The following KIAA1217 variants were observed in gnomAD, a reference collection of about 807,000 sequenced individuals.
KIAA1217 encodes the protein sickle tail protein homolog.
Under a neutral mutation model 163.9 loss-of-function variants are expected in KIAA1217, and 88 were observed. The ratio of observed to expected loss-of-function variants is 0.54; its 90% confidence interval spans 0.45 to 0.64. The LOEUF is 0.64. KIAA1217 is among the 30% of genes least tolerant of loss of function. KIAA1217 has a pLI of 0.00. For synonymous variants in KIAA1217, 903 were observed against 923.1 expected (o/e 0.98, Z 0.39); for missense variants, 2,372 against 2,475.0 (o/e 0.96, Z 0.88).
intron 1 of KIAA1217, among the ~76,000 whole-genome samples, chr10:23,726,591 G>T (rs1838150041): frequency 6.6e-6 from 1 of 152,154 alleles, no homozygotes; most frequent in South Asian, 2.1e-4. Flanking sequence ...CACAGCAAAA[G>T]AAACTACCAT....
At chr10:24,303,835 G>A (rs220366) in intron 2 of KIAA1217, among the ~76,000 whole-genome samples, 118,074 of 152,036 alleles carry the variant, frequency 0.78, 47,859 homozygotes, top group Non-Finnish European at 0.89. Context: ...AAATTTGCAC[G>A]TGTGTGGTTT....
chr10:24,107,693 C>T (rs78104219), intron 2 of KIAA1217, among the ~76,000 whole-genome samples: 3,511 of 152,160 alleles, frequency 0.023, 133 homozygotes, highest in African/African-American at 0.08. Flanking sequence ...CTTTTGAGAA[C>T]ATCACCAAGT....
Position 24,052,728 on chromosome 10 carries a change from A to T in KIAA1217, c.-171+45354A>T, listed in dbSNP as rs572735236. ...ATTAGTATAGATGAAAGAGTATGTG[A>T]TTACCTTTTTATTTGGGGCTATGTC... is the stretch of plus-strand genomic sequence containing the variant. On this transcript the variant is annotated intron_variant, in intron 2 of 18. Coordinates refer to the KIAA1217 transcript ENST00000376462. Among the ~76,000 whole-genome samples, 5 of 152,226 alleles carry T rather than the reference A, an allele frequency of 3.3e-5. No individual in the cohort carries two copies. In the South Asian group the frequency reaches 1.0e-3, roughly 32 times the overall value.
At chr10:24,298,928 C>T (rs1050445173) in intron 2 of KIAA1217, among the ~76,000 whole-genome samples, 3 of 152,180 alleles carry the variant, frequency 2.0e-5, no homozygotes, top group East Asian at 3.9e-4. Context: ...AGCTTGGGCT[C>T]AGGAATTAAT....
rs143696278 is a variant in KIAA1217 at position 24,543,571 on chromosome 10, C to A, written c.4301C>A (p.Pro1434Gln). ...PRQEGTDNED[P>Q]VVCLDKKPVI... ...CAAGAAGGGACTGACAATGAGGATC[C>A]AGTCGTGTGCCTGGACAAGAAACCA... Residue 1434 changes from proline (P) to glutamine (Q), a missense_variant, in exon 19 of 21, where the codon CCA becomes CAA. Transcript: ENST00000376454. 2.0e-4 allele frequency: 317 copies of A among 1,614,080 alleles called. No individual in the cohort carries two copies. The African/African-American group carries it at 3.4e-3, about 17-fold the overall frequency.
At chr10:23,748,518 GA>G (rs1214532718) in intron 1 of KIAA1217, among the ~76,000 whole-genome samples, 1 of 126,934 alleles carries the variant, frequency 7.9e-6, no homozygotes, top group African/African-American at 3.1e-5. Flanking sequence ...GAGAGGAGAG[GA>G]AAGGAAGGAG....
intron 2 of KIAA1217, among the ~76,000 whole-genome samples, chr10:24,266,304 C>G (rs566627217): frequency 3.9e-5 from 6 of 152,238 alleles, no homozygotes; most frequent in African/African-American, 1.2e-4. Flanking sequence ...GTCTCCAGCT[C>G]CTGACCTCAG....
At chr10:23,919,638 G>T (rs1009589900) in intron 1 of KIAA1217, among the ~76,000 whole-genome samples, 1 of 144,202 alleles carries the variant, frequency 6.9e-6, no homozygotes, top group Non-Finnish European at 1.5e-5. Context: ...AAAAGGCTCT[G>T]CAGATTCATT....
intron 8 of KIAA1217, among the ~76,000 whole-genome samples, chr10:24,498,907 T>C (rs2067157241): frequency 6.6e-6 from 1 of 152,132 alleles, no homozygotes; most frequent in African/African-American, 2.4e-5. Flanking sequence ...TTTTCCTCCA[T>C]GGAATAAAAG....
chr10:23,969,237 T>C (rs529272645), intron 1 of KIAA1217, among the ~76,000 whole-genome samples: 1 of 152,360 alleles, frequency 6.6e-6, no homozygotes, highest in South Asian at 2.1e-4. Flanking sequence ...GGTTTCACCA[T>C]GTTGGCCAGG....
intron 1 of KIAA1217, among the ~76,000 whole-genome samples, chr10:23,967,101 T>C (rs544928920): frequency 8.5e-5 from 13 of 152,200 alleles, no homozygotes; most frequent in Admixed American, 2.6e-4. Context: ...CCTCCCCTTT[T>C]AAACAACTCC....
At chr10:24,349,466 T>A (rs894002793) in intron 2 of KIAA1217, among the ~76,000 whole-genome samples, 1 of 152,232 alleles carries the variant, frequency 6.6e-6, no homozygotes, top group East Asian at 1.9e-4. Context: ...TGACCACAAC[T>A]CTGCATAAGC....
rs79860013 is a variant in KIAA1217 at position 24,458,047 on chromosome 10, A to G, written c.847-15181A>G. ...TGTCGGTGTCAGAGCCTGGTGGGGA[A>G]GAAGGGATTGGTCAATATTTGGCTA... On this transcript the variant is annotated intron_variant, in intron 5 of 20. Transcript: ENST00000376454. 7.4e-3 allele frequency among the ~76,000 whole-genome samples: 1,125 copies of G among 152,316 alleles called. 20 individuals are homozygous for G. Among genetic ancestry groups the G allele is most frequent in the African/African-American group, 0.025 (1,047 of 41,568 alleles).
intron 2 of KIAA1217, among the ~76,000 whole-genome samples, chr10:24,110,022 C>T (rs182784569): frequency 1.3e-5 from 2 of 152,270 alleles, no homozygotes; most frequent in Admixed American, 6.5e-5. Context: ...CGCCACTATG[C>T]GTAGCTGATG....
At chr10:23,963,043 T>C (rs1844883959) in intron 1 of KIAA1217, among the ~76,000 whole-genome samples, 1 of 152,314 alleles carries the variant, frequency 6.6e-6, no homozygotes, top group African/African-American at 2.4e-5. Flanking sequence ...GGTTGAACCA[T>C]AGTGAAACAT....
chr10:24,400,475 A>T (rs1415080874), intron 3 of KIAA1217, among the ~76,000 whole-genome samples: 2 of 152,208 alleles, frequency 1.3e-5, no homozygotes, highest in African/African-American at 4.8e-5. Flanking sequence ...TCACAGAAGC[A>T]GGATAAAGGG....
chr10:24,528,438 C>T (rs2072571324), intron 14 of KIAA1217, among the ~76,000 whole-genome samples: 1 of 151,506 alleles, frequency 6.6e-6, no homozygotes, highest in Non-Finnish European at 1.5e-5. Context: ...CCTCCCACCT[C>T]AGCCTCCCAA....
intron 2 of KIAA1217, among the ~76,000 whole-genome samples, chr10:24,360,369 C>G (rs918995767): frequency 2.0e-5 from 3 of 152,106 alleles, no homozygotes; most frequent in African/African-American, 7.2e-5. Context: ...TATTTCCCAA[C>G]GTTTGGTCTT....
intron 2 of KIAA1217, among the ~76,000 whole-genome samples, chr10:24,052,916 C>A (rs562514155): frequency 3.9e-5 from 6 of 152,112 alleles, no homozygotes; most frequent in Non-Finnish European, 8.8e-5. Context: ...ATAATACCAA[C>A]CTTCCTAGCT....
Sources: gnomAD v4.1 joint callset for allele counts (sites outside exome capture counted in the v4.1 genomes callset) on GRCh38, gnomAD v4.1.1 for gene constraint, MANE v1.5 for transcripts, NCBI Gene and HGNC (gene_info 2026-07-23, HGNC 2026-07-21) for gene names.